Variants in GON4L observed in about 807,000 individuals in gnomAD.
GON4L encodes gon-4 like, also known as GON-4-like protein.
Under a neutral mutation model 211.8 loss-of-function variants are expected in GON4L, and 87 were observed. The observed-to-expected ratio is 0.41, with a 90% CI of 0.35 to 0.49. GON4L has a LOEUF of 0.49. GON4L is among the 20% of genes least tolerant of loss of function. GON4L has a pLI of 0.15. For missense variants in GON4L, 2,155 were observed against 2,659.5 expected (o/e 0.81, Z 4.17); for synonymous variants, 875 against 962.6 (o/e 0.91, Z 1.68).
At chr1:155,772,570 C>A (rs1215327984) in intron 18 of GON4L, among the ~76,000 whole-genome samples, 2 of 144,990 alleles carry the variant, frequency 1.4e-5, no homozygotes, top group African/African-American at 5.1e-5. Context: ...CTGGATAACA[C>A]AGAGAGACCC....
intron 27 of GON4L, 79 bp downstream of exon 27, chr1:155,756,879 A>C (rs915619053): frequency 1.8e-6 from 2 of 1,083,222 alleles, no homozygotes; most frequent in African/African-American, 3.1e-5. Context: ...CAGTGAGCCA[A>C]GATTACGCCA....
At chr1:155,819,078 T>C (rs1341996471) in intron 6 of GON4L, among the ~76,000 whole-genome samples, 1 of 152,010 alleles carries the variant, frequency 6.6e-6, no homozygotes, top group Non-Finnish European at 1.5e-5. Flanking sequence ...TGATTTGAGG[T>C]CAGGAGTTTG....
At chr1:155,818,506 C>T (rs565982078) in intron 6 of GON4L, among the ~76,000 whole-genome samples, 1 of 152,300 alleles carries the variant, frequency 6.6e-6, no homozygotes, top group South Asian at 2.1e-4. Flanking sequence ...TTTGTGAACA[C>T]ATCCTAGAGA....
Position 155,750,640 on chromosome 1 carries a change from C to T in GON4L, c.6670G>A (p.Ala2224Thr), listed in dbSNP as rs1660469232. 2.0e-5 allele frequency: 32 copies of T among 1,577,282 alleles called. No individual in the cohort carries two copies. The highest frequency in any genetic ancestry group is 2.8e-5 in the Non-Finnish European group (32 of 1,152,694). Residue 2224 changes from alanine (A) to threonine (T), a missense_variant, in exon 32 of 32, where the codon GCA becomes ACA. Coordinates refer to ENST00000368331, the MANE Select transcript of GON4L (RefSeq NM_001282860.2). ...DEDDATSTSN[A>T]DQLSDHGDLL... is the part of the protein sequence containing the mutation. ...TCCCCATGGTCAGACAGCTGGTCTG[C>T]ATTGCTGGTACTGGTTGCATCATCC...
Position 155,773,170 on chromosome 1 carries a change from A to G in GON4L, c.2391T>C (p.Ile797=), listed in dbSNP as rs551525481. 31 of 1,614,120 alleles carry G rather than the reference A, an allele frequency of 1.9e-5. No individual in the cohort carries two copies. The highest frequency in any genetic ancestry group is 6.7e-5 in the East Asian group (3 of 44,888). The change falls in exon 18 of 32, where the codon ATT becomes ATC. Residue 797 remains isoleucine, a synonymous_variant. Transcript: ENST00000368331. ...ACATGAAAACCTTGCTTGTGGCCAG[A>G]ATCCAAGCCACTTGCTTTGGCAAAC... The part of the protein sequence containing the change: ...FPCLPKQVAW[I]LATSKVFMYP...
At chr1:155,798,804 CATCT>C (rs1263192438) in intron 11 of GON4L, among the ~76,000 whole-genome samples, 3 of 151,942 alleles carry the variant, frequency 2.0e-5, no homozygotes, top group Non-Finnish European at 4.4e-5. Context: ...GTTTGGACTC[CATCT>C]GTTTGGATGC....
intron 3 of GON4L, among the ~76,000 whole-genome samples, chr1:155,825,727 T>C (rs530932536): frequency 9.0e-4 from 137 of 151,666 alleles, no homozygotes; most frequent in African/African-American, 3.2e-3. Context: ...TGGGGCTCCG[T>C]CTCTACAAAA....
intron 12 of GON4L, among the ~76,000 whole-genome samples, chr1:155,791,633 C>T (rs1470325662): frequency 1.3e-5 from 2 of 151,648 alleles, no homozygotes; most frequent in East Asian, 1.9e-4. Context: ...TTTGGGAAGC[C>T]GAGGCAGGTG....
At chr1:155,767,020 C>A in intron 20 of GON4L, 1 of 545,878 alleles carries the variant, frequency 1.8e-6, no homozygotes, top group Non-Finnish European at 3.2e-6. Context: ...CCTGGGTGGA[C>A]AGAGCAAGAC....
intron 3 of GON4L, among the ~76,000 whole-genome samples, chr1:155,823,585 T>C (rs1163566582): frequency 1.3e-5 from 2 of 152,030 alleles, no homozygotes; most frequent in Non-Finnish European, 2.9e-5. Flanking sequence ...AAATTACGTG[T>C]CCATTTTAAA....
chr1:155,813,686 T>A lies in GON4L; in HGVS notation c.1400A>T (p.His467Leu), dbSNP rs1667986549. 9.9e-6 allele frequency: 16 copies of A among 1,613,806 alleles called. No individual in the cohort carries two copies. The highest frequency in any genetic ancestry group is 1.2e-5 in the Non-Finnish European group (14 of 1,179,800). Reference sequence around the variant, plus strand: ...GGAAGCCAGCTCCTCATCTACCGCATGTAACTTCTCCATGAAAGTACTATC... The same window carrying A: ...GGAAGCCAGCTCCTCATCTACCGCAAGTAACTTCTCCATGAAAGTACTATC... ...TRDSTFMEKL[H>L]AVDEELASSP... The change falls in exon 10 of 32, where the codon CAT (histidine) becomes CTT (leucine). Residue 467 changes from histidine (H) to leucine (L), a missense_variant. This residue lies in a region of GON4L where 551 missense variants were observed against 854.0 expected (regional missense o/e 0.65). Transcript: ENST00000368331.
intron 14 of GON4L, among the ~76,000 whole-genome samples, chr1:155,781,710 C>T (rs1427345662): frequency 6.6e-6 from 1 of 151,998 alleles, no homozygotes; most frequent in Non-Finnish European, 1.5e-5. Context: ...ATCCGCCTGC[C>T]TTGGCCTCCC....
chr1:155,821,009 G>C (rs1373353295), intron 5 of GON4L, among the ~76,000 whole-genome samples: 1 of 152,134 alleles, frequency 6.6e-6, no homozygotes, highest in African/African-American at 2.4e-5. Flanking sequence ...GCTCACGCCT[G>C]TAATCCCAGC....
chr1:155,840,554 C>T (rs1670677392), intron 2 of GON4L, among the ~76,000 whole-genome samples: 1 of 152,134 alleles, frequency 6.6e-6, no homozygotes, highest in Admixed American at 6.6e-5. Context: ...AGCATTACCA[C>T]TGCCAGCCCT....
At chr1:155,748,771 C>CA (rs1255642284), downstream of GON4L, 5 of 1,613,524 alleles carry the variant, frequency 3.1e-6, no homozygotes, top group African/African-American at 1.3e-5. Context: ...AGGGTATAGA[C>CA]AGAGCATGCC....
intron 11 of GON4L, among the ~76,000 whole-genome samples, chr1:155,799,280 C>T (rs1212022177): frequency 6.6e-6 from 1 of 152,068 alleles, no homozygotes. Flanking sequence ...ACTAAAAATA[C>T]AAAATTAGCT....
At chr1:155,816,760 CT>C (rs11381169) in intron 6 of GON4L, among the ~76,000 whole-genome samples, 19 of 44,240 alleles carry the variant, frequency 4.3e-4, no homozygotes, top group East Asian at 9.5e-4. Context: ...TGCCTATGGG[CT>C]TTTTTTTTTC....
chr1:155,857,775 G>A (rs979672212), upstream of GON4L, among the ~76,000 whole-genome samples: 5 of 152,068 alleles, frequency 3.3e-5, no homozygotes, highest in Non-Finnish European at 7.3e-5. Flanking sequence ...CGAGTCACCT[G>A]GAACACAGGA....
At chr1:155,754,174 T>G (rs950525880) in intron 28 of GON4L, 2 of 630,582 alleles carry the variant, frequency 3.2e-6, no homozygotes, top group Admixed American at 4.8e-5. Flanking sequence ...CCAAAAGCTT[T>G]ACTCACAGAA....
Sources: allele counts gnomAD v4.1 joint callset (sites outside exome capture counted in the v4.1 genomes callset), GRCh38; gene constraint gnomAD v4.1.1; regional missense constraint gnomAD v4.1.1; transcripts MANE v1.5; gene names NCBI Gene and HGNC (gene_info 2026-07-23, HGNC 2026-07-21).